Variants in TRIM5 observed in about 807,000 individuals in gnomAD.
The protein encoded by TRIM5 is tripartite motif containing 5, also known as tripartite motif-containing protein 5.
Under a neutral mutation model 35.6 loss-of-function variants are expected in TRIM5, and 31 were observed. That is an observed-to-expected ratio of 0.87 (90% CI 0.65 to 1.18). The LOEUF is 1.18. Among genes scored for constraint, TRIM5 ranks in the 50% most tolerant of loss-of-function variants. The pLI is 0.00. For missense variants in TRIM5, 609 were observed against 591.6 expected (o/e 1.03, Z -0.31); for synonymous variants, 243 against 215.6 (o/e 1.13, Z -1.11).
the TRIM5 span, among the ~76,000 whole-genome samples, chr11:5,623,470 C>A: frequency 2.0e-5 from 3 of 151,624 alleles, no homozygotes; most frequent in African/African-American, 4.8e-5. Context: ...CGGGTTCAAG[C>A]AATTCTCCTG....
At chr11:5,651,043 A>G in the TRIM5 span, among the ~76,000 whole-genome samples, 1 of 152,198 alleles carries the variant, frequency 6.6e-6, no homozygotes, top group Non-Finnish European at 1.5e-5. Context: ...ACTCTTTTCA[A>G]GTAACTTAGT....
At chr11:5,600,986 C>T in the TRIM5 span, among the ~76,000 whole-genome samples, 5,415 of 152,190 alleles carry the variant, frequency 0.036, 172 homozygotes, top group Middle Eastern at 0.068. Flanking sequence ...ACAATGGTAA[C>T]GTAATTTATC....
At chr11:5,611,170 G>A in the TRIM5 span, 20 of 1,613,988 alleles carry the variant, frequency 1.2e-5, no homozygotes, top group African/African-American at 5.3e-5. Context: ...CCCCCTCGCC[G>A]TGTTGGGGTT....
rs760712704 is a variant in TRIM5, at chr11:5,664,937, A to G, written c.1354T>C (p.Phe452Leu). Reference sequence around the variant, plus strand: ...AGAAATCCATGGTTTGTGATATTGAAGAATGAGACAGTGCAAGCCTCATAG... The same window carrying G: ...AGAAATCCATGGTTTGTGATATTGAGGAATGAGACAGTGCAAGCCTCATAG... The part of the protein sequence containing the change: ...LDYEACTVSF[F>L]NITNHGFLIY... The change falls in exon 8 of 8, where the codon TTC (phenylalanine) becomes CTC (leucine). Residue 452 changes from phenylalanine to leucine, a missense_variant. By Grantham distance (22) the Phe-to-Leu change is conservative. Coordinates refer to ENST00000380034, the MANE Select transcript of TRIM5 (RefSeq NM_033034.3). The G allele has an allele frequency of 6.2e-7, 1 of 1,614,168 alleles. No individual in the cohort carries two copies. Among genetic ancestry groups the G allele is most frequent in the Admixed American group, 1.7e-5 (1 of 60,020 alleles).
chr11:5,643,062 T>A, the TRIM5 span: 1 of 1,279,546 alleles, frequency 7.8e-7, no homozygotes, highest in South Asian at 1.8e-5. Flanking sequence ...ATAAACCTAC[T>A]CCATATCTGT....
the TRIM5 span, among the ~76,000 whole-genome samples, chr11:5,615,771 T>TACAA: frequency 6.6e-6 from 1 of 151,814 alleles, no homozygotes; most frequent in Admixed American, 6.6e-5. Context: ...TATTGTATTT[T>TACAA]TAGTAGAGAC....
the TRIM5 span, among the ~76,000 whole-genome samples, chr11:5,649,980 A>C: frequency 2.0e-5 from 3 of 152,198 alleles, no homozygotes; most frequent in African/African-American, 7.2e-5. Flanking sequence ...GGAACATAGC[A>C]AGTTCAGTAA....
chr11:5,638,668 G>C, the TRIM5 span, among the ~76,000 whole-genome samples: 1 of 152,158 alleles, frequency 6.6e-6, no homozygotes, highest in Non-Finnish European at 1.5e-5. Flanking sequence ...TTGACAATAC[G>C]GCATAAGAAA....
chr11:5,625,376 T>A, the TRIM5 span, among the ~76,000 whole-genome samples: 1 of 152,052 alleles, frequency 6.6e-6, no homozygotes, highest in Non-Finnish European at 1.5e-5. Flanking sequence ...AAGGAAACAA[T>A]TCTCTCTCTC....
At chr11:5,640,522 G>A in the TRIM5 span, among the ~76,000 whole-genome samples, 1 of 151,826 alleles carries the variant, frequency 6.6e-6, no homozygotes, top group East Asian at 1.9e-4. Context: ...TTGCTGGATT[G>A]CCAGATTTGA....
the TRIM5 span, chr11:5,603,636 T>G: frequency 6.2e-7 from 1 of 1,613,400 alleles, no homozygotes; most frequent in African/African-American, 1.3e-5. Flanking sequence ...AGCTCTTCTG[T>G]CAGGAGGATG....
the TRIM5 span, among the ~76,000 whole-genome samples, chr11:5,595,723 T>C: frequency 6.6e-6 from 1 of 150,904 alleles, no homozygotes; most frequent in East Asian, 1.9e-4. Context: ...AAAAATTCTT[T>C]TTTTTTTTTT....
At chr11:5,608,799 TAA>T in the TRIM5 span, among the ~76,000 whole-genome samples, 1 of 151,800 alleles carries the variant, frequency 6.6e-6, no homozygotes, top group East Asian at 1.9e-4. Context: ...CCCTGATTCT[TAA>T]GTTTATAGTT....
chr11:5,665,559 A>G, intron 7 of TRIM5, 97 bp downstream of exon 7: 1 of 1,579,018 alleles, frequency 6.3e-7, no homozygotes, highest in African/African-American at 1.4e-5. Context: ...ATAAATCTTA[A>G]AACATGAGCC....
At chr11:5,645,897 CTATATATAGA>C in the TRIM5 span, 9,482 of 143,726 alleles carry the variant, frequency 0.066, 531 homozygotes, top group East Asian at 0.21. Context: ...ATATATATAT[CTATATATAGA>C]TATATATAGA....
chr11:5,641,740 T>C, the TRIM5 span, among the ~76,000 whole-genome samples: 1 of 152,228 alleles, frequency 6.6e-6, no homozygotes, highest in Admixed American at 6.5e-5. Context: ...TAGAAGCTCC[T>C]ATGGAAAAGT....
At chr11:5,603,572 G>T in the TRIM5 span, 3 of 1,613,908 alleles carry the variant, frequency 1.9e-6, no homozygotes, top group Admixed American at 1.7e-5. Context: ...GTAGTGTTGG[G>T]CCCTGGGAAG....
the TRIM5 span, chr11:5,633,955 C>A: frequency 1.3e-6 from 2 of 1,588,698 alleles, no homozygotes; most frequent in South Asian, 1.1e-5. Context: ...GACCTTAATC[C>A]AAGGAGGCCT....
chr11:5,665,713 A>C, intron 6 of TRIM5, 31 bp from the exon 7 acceptor site: 17 of 1,491,138 alleles, frequency 1.1e-5, no homozygotes, highest in Non-Finnish European at 1.5e-5. Flanking sequence ...AATATTGAAT[A>C]CAAACAAAGG....
Sources: gnomAD v4.1 joint callset for allele counts (sites outside exome capture counted in the v4.1 genomes callset) on GRCh38, gnomAD v4.1.1 for gene constraint, MANE v1.5 for transcripts, NCBI Gene and HGNC (gene_info 2026-07-23, HGNC 2026-07-21) for gene names.